Variants in PAN3 observed in about 807,000 individuals in gnomAD.
PAN3 encodes the protein poly(A) specific ribonuclease subunit PAN3.
Under a neutral mutation model 96.2 loss-of-function variants are expected in PAN3, and 19 were observed. That is an observed-to-expected ratio of 0.20 (90% CI 0.14 to 0.29). The LOEUF is 0.29. Among genes scored for constraint, PAN3 ranks in the 10% least tolerant of loss-of-function variants. The pLI, the probability that PAN3 is intolerant of heterozygous loss-of-function variation, is 1.00. For synonymous variants in PAN3, 433 were observed against 406.6 expected (o/e 1.06, Z -0.78); for missense variants, 882 against 1,108.1 (o/e 0.80, Z 2.90).
chr13:28,242,003 C>G (rs1883709185), intron 6 of PAN3, among the ~76,000 whole-genome samples: 1 of 152,040 alleles, frequency 6.6e-6, no homozygotes. Context: ...GTTATTGGAA[C>G]TTCATTAAAA....
intron 6 of PAN3, among the ~76,000 whole-genome samples, chr13:28,250,822 C>G (rs527322333): frequency 6.6e-6 from 1 of 152,316 alleles, no homozygotes; most frequent in South Asian, 2.1e-4. Flanking sequence ...GAACTCTTAA[C>G]TTAGAACTTC....
intron 3 of PAN3, among the ~76,000 whole-genome samples, chr13:28,177,051 C>T (rs952394940): frequency 5.3e-5 from 8 of 152,026 alleles, no homozygotes; most frequent in African/African-American, 1.9e-4. Flanking sequence ...TTTAAGGTTC[C>T]TTTACGTAAG....
chr13:28,165,131 C>T (rs1244971647), intron 1 of PAN3, among the ~76,000 whole-genome samples: 2 of 152,166 alleles, frequency 1.3e-5, no homozygotes, highest in African/African-American at 4.8e-5. Flanking sequence ...TGGTCTCGAA[C>T]TCCTGACCTT....
chr13:28,156,546 C>T (rs1014433462), intron 1 of PAN3, among the ~76,000 whole-genome samples: 3 of 152,178 alleles, frequency 2.0e-5, no homozygotes, highest in Non-Finnish European at 4.4e-5. Context: ...GGGGATTCCT[C>T]CTTATCTCAT....
intron 1 of PAN3, among the ~76,000 whole-genome samples, chr13:28,163,533 A>G (rs543820596): frequency 2.0e-5 from 3 of 152,196 alleles, no homozygotes; most frequent in Non-Finnish European, 4.4e-5. Context: ...CTCTTTTTTC[A>G]GATGAAGAAA....
intron 3 of PAN3, among the ~76,000 whole-genome samples, chr13:28,176,992 A>G (rs1251828046): frequency 6.6e-6 from 1 of 152,164 alleles, no homozygotes; most frequent in Non-Finnish European, 1.5e-5. Flanking sequence ...CAGGAAGAAG[A>G]AGGCAGAGAA....
rs749145241 is a variant in PAN3 at position 28,272,056 on chromosome 13, A to G, written c.2034A>G (p.Leu678=). 6.3e-7 allele frequency: 1 copy of G among 1,576,260 alleles called. No individual in the cohort carries two copies. Among genetic ancestry groups the G allele is most frequent in the Non-Finnish European group, 8.7e-7 (1 of 1,149,770 alleles). Residue 678 remains leucine (L), a synonymous_variant, in exon 14 of 19, where the codon TTA becomes TTG. Transcript: ENST00000380958. The part of the protein sequence containing the change: ...DNSQNNNPLA[L]MAQYQQADLI... Reference sequence around the variant, plus strand: ...GTCAAAATAATAATCCATTGGCATTAATGGCCCAGTACCAGGTGAGTAAGA... The same window carrying G: ...GTCAAAATAATAATCCATTGGCATTGATGGCCCAGTACCAGGTGAGTAAGA...
At chr13:28,221,548 C>T (rs994191661) in intron 6 of PAN3, among the ~76,000 whole-genome samples, 1 of 152,044 alleles carries the variant, frequency 6.6e-6, no homozygotes, top group African/African-American at 2.4e-5. Flanking sequence ...AACACAGTGG[C>T]GCAGAGCATC....
chr13:28,191,117 G>T (rs1312602013), intron 4 of PAN3, among the ~76,000 whole-genome samples: 1 of 152,184 alleles, frequency 6.6e-6, no homozygotes, highest in African/African-American at 2.4e-5. Flanking sequence ...AGGAGTTGGT[G>T]CTTTTGTTTG....
intron 6 of PAN3, among the ~76,000 whole-genome samples, chr13:28,222,617 G>GA: frequency 6.6e-6 from 1 of 152,220 alleles, no homozygotes; most frequent in Non-Finnish European, 1.5e-5. Context: ...CTGCCTTTCG[G>GA]AAAAACCATT....
chr13:28,140,354 G>A (rs1869560320), intron 1 of PAN3, among the ~76,000 whole-genome samples: 1 of 152,082 alleles, frequency 6.6e-6, no homozygotes, highest in Admixed American at 6.6e-5. Flanking sequence ...TATATTGAGC[G>A]TTTCTAAACC....
chr13:28,209,218 G>A (rs1012487447), intron 5 of PAN3, among the ~76,000 whole-genome samples: 1 of 152,090 alleles, frequency 6.6e-6, no homozygotes, highest in African/African-American at 2.4e-5. Flanking sequence ...AGTGCTGACT[G>A]TATATACTAT....
chr13:28,283,395 A>T (rs1211159215), intron 17 of PAN3, among the ~76,000 whole-genome samples: 1 of 152,192 alleles, frequency 6.6e-6, no homozygotes, highest in Non-Finnish European at 1.5e-5. Context: ...GTTGTCTATG[A>T]ATAAAGTAAA....
chr13:28,256,142 C>A, intron 6 of PAN3, 150 bp from the exon 7 acceptor site: 1 of 887,152 alleles, frequency 1.1e-6, no homozygotes, highest in Non-Finnish European at 1.7e-6. Flanking sequence ...TTTTCTACAA[C>A]AAAACAAGAT....
Position 28,138,955 on chromosome 13 carries a change from C to T in PAN3, c.298C>T (p.Pro100Ser). 1 of 1,310,926 alleles carries T rather than the reference C, an allele frequency of 7.6e-7. No homozygotes were observed. The highest frequency in any genetic ancestry group is 9.7e-7 in the Non-Finnish European group (1 of 1,030,962). The allele number at this position is 1,310,926 out of a possible 1,614,324, so 81.2% of individuals were successfully genotyped here. A position where few individuals can be genotyped will look rare whatever the true frequency, so the allele number is the denominator to read the frequency against. The change falls in exon 1 of 19, where the codon CCG becomes TCG. Residue 100 changes from proline to serine, a missense_variant. Coordinates refer to ENST00000380958, the MANE Select transcript of PAN3 (RefSeq NM_175854.8). ...LAGAPVAGFP[P>S]GAVAGGGAGP... ...TGGTGCACCCGTGGCCGGCTTTCCG[C>T]CGGGAGCCGTCGCGGGCGGGGGAGC...
chr13:28,278,835 ATACT>A (rs958291128), intron 15 of PAN3, among the ~76,000 whole-genome samples: 1 of 152,096 alleles, frequency 6.6e-6, no homozygotes, highest in African/African-American at 2.4e-5. Context: ...ACATATGTCC[ATACT>A]TACGGATGAA....
At position 28,287,282 on chromosome 13, in the gene PAN3, A is replaced by AT. The variant is rs372508441; in HGVS notation, c.2385-696dup. 1.6e-4 allele frequency among the ~76,000 whole-genome samples: 24 copies of AT among 152,124 alleles called. 1 individual carries two copies. Among genetic ancestry groups the AT allele is most frequent in the African/African-American group, 5.8e-4 (24 of 41,500 alleles). ...TTTTCTGTAATCATTGTTTTTACCT[A>AT]TTTTTTCTTAATGGGAATTGTATCA... is the stretch of plus-strand genomic sequence containing the variant. On this transcript the variant is annotated intron_variant, in intron 17 of 18. Transcript: ENST00000380958.
intron 6 of PAN3, among the ~76,000 whole-genome samples, chr13:28,247,103 A>G (rs1418229114): frequency 6.6e-6 from 1 of 152,066 alleles, no homozygotes; most frequent in Non-Finnish European, 1.5e-5. Context: ...TCTTTTTGAT[A>G]AAAGCCACTT....
At chr13:28,246,797 T>A (rs1057066243) in intron 6 of PAN3, among the ~76,000 whole-genome samples, 2 of 152,174 alleles carry the variant, frequency 1.3e-5, no homozygotes, top group African/African-American at 2.4e-5. Context: ...ATTGTATGTA[T>A]GTACCACATT....
Sources: allele counts gnomAD v4.1 joint callset (sites outside exome capture counted in the v4.1 genomes callset), GRCh38; gene constraint gnomAD v4.1.1; transcripts MANE v1.5; gene names NCBI Gene and HGNC (gene_info 2026-07-23, HGNC 2026-07-21).